The following ADRA1B variants were observed in gnomAD, a reference collection of about 807,000 sequenced individuals.
The protein encoded by ADRA1B is alpha-1B adrenergic receptor.
ADRA1B carries 17 observed loss-of-function variants against 17.9 expected under a neutral mutation model. The observed-to-expected ratio is 0.95, with a 90% CI of 0.65 to 1.42. The LOEUF is 1.42. Ranked by LOEUF, ADRA1B falls within the 40% of genes most tolerant of loss-of-function variation. The pLI is 0.00. For missense variants in ADRA1B, 681 were observed against 722.1 expected, an observed-to-expected ratio of 0.94 and a Z score of 0.65; for synonymous variants, 366 against 327.6, an observed-to-expected ratio of 1.12 and a Z score of -1.27.
In ADRA1B at chr5:159,917,142, C is replaced by T. The variant is rs776132375; in HGVS notation, c.237C>T (p.Pro79=). The T allele has an allele frequency of 1.2e-6, 2 of 1,614,046 alleles. No homozygotes were observed. The highest frequency in any genetic ancestry group is 2.7e-5 in the African/African-American group (2 of 74,930). Residue 79 remains proline (P), a synonymous_variant, in exon 1 of 2, where the codon CCC becomes CCT. Coordinates refer to ENST00000306675, the MANE Select transcript of ADRA1B (RefSeq NM_000679.4). ...CCTGCAACCGGCACCTGCGGACGCC[C>T]ACCAACTACTTCATTGTCAACCTGG... The part of the protein sequence containing the change: ...SVACNRHLRT[P]TNYFIVNLAM...
intron 1 of ADRA1B, among the ~76,000 whole-genome samples, chr5:159,964,954 T>C (rs1454862120): frequency 6.6e-6 from 1 of 152,062 alleles, no homozygotes; most frequent in East Asian, 1.9e-4. Context: ...GTACAGAAAA[T>C]AATTATTACC....
chr5:159,919,691 G>A (rs78909636), intron 1 of ADRA1B, among the ~76,000 whole-genome samples: 3,780 of 152,276 alleles, frequency 0.025, 161 homozygotes, highest in African/African-American at 0.086. Flanking sequence ...GAAGAGAATT[G>A]AGTCTTTCTT....
intron 1 of ADRA1B, among the ~76,000 whole-genome samples, chr5:159,866,214 G>A (rs1753650687): frequency 6.6e-6 from 1 of 150,538 alleles, no homozygotes; most frequent in African/African-American, 2.4e-5. Context: ...GCTGTGGCAA[G>A]AGAATCACTT....
In ADRA1B at chr5:159,905,634, GAC is replaced by G. The variant is rs375212226; in HGVS notation, c.-255-10483_-255-10482del. 7.9e-4 allele frequency among the ~76,000 whole-genome samples: 121 copies of G among 152,300 alleles called. 1 individual carries two copies. In the East Asian group the frequency reaches 0.011, roughly 14 times the overall value. On this transcript the variant is annotated intron_variant, in intron 1 of 2. Transcript: ENST00000641205. ...ATTGAGCCTGAAGCCTAGGGAGAGAGACAGAGTGTGATCAAAGAGTCATATGC... is the reference window on the plus strand; with the variant it reads ...ATTGAGCCTGAAGCCTAGGGAGAGAGAGAGTGTGATCAAAGAGTCATATGC...
intron 1 of ADRA1B, among the ~76,000 whole-genome samples, chr5:159,910,831 C>A (rs562706359): frequency 8.5e-5 from 13 of 152,290 alleles, no homozygotes; most frequent in African/African-American, 2.6e-4. Flanking sequence ...CCAGAGGGAC[C>A]AAGGCCCTGA....
At chr5:159,878,081 A>G (rs1753820685) in intron 1 of ADRA1B, among the ~76,000 whole-genome samples, 1 of 152,226 alleles carries the variant, frequency 6.6e-6, no homozygotes, top group African/African-American at 2.4e-5. Context: ...CCAGGGCTGA[A>G]CGAGGCCCAA....
chr5:159,974,990 T>C (rs1266456052), downstream of ADRA1B, among the ~76,000 whole-genome samples: 1 of 152,190 alleles, frequency 6.6e-6, no homozygotes, highest in Non-Finnish European at 1.5e-5. Context: ...CATTCCCCTC[T>C]GCTACCATCC....
intron 1 of ADRA1B, among the ~76,000 whole-genome samples, chr5:159,890,182 C>A (rs1753966715): frequency 1.3e-5 from 2 of 152,160 alleles, no homozygotes; most frequent in South Asian, 4.1e-4. Context: ...GTCCAGGAAG[C>A]TCTTGGTTCA....
At chr5:159,980,062 C>T in the ADRA1B span, among the ~76,000 whole-genome samples, 18 of 151,824 alleles carry the variant, frequency 1.2e-4, no homozygotes, top group South Asian at 3.3e-3. Context: ...GAGGGAAAGT[C>T]GTGTTTCATG....
chr5:159,923,573 C>T (rs1207113532), intron 1 of ADRA1B, among the ~76,000 whole-genome samples: 1 of 152,246 alleles, frequency 6.6e-6, no homozygotes, highest in Non-Finnish European at 1.5e-5. Context: ...GGAGCCTGAA[C>T]ACAGCAAACA....
intron 1 of ADRA1B, among the ~76,000 whole-genome samples, chr5:159,871,685 C>G (rs1288600000): frequency 6.6e-6 from 1 of 152,014 alleles, no homozygotes; most frequent in Non-Finnish European, 1.5e-5. Context: ...AAGTCACATT[C>G]ACAGGTACTG....
intron 1 of ADRA1B, among the ~76,000 whole-genome samples, chr5:159,926,756 G>A (rs1373808087): frequency 1.3e-5 from 2 of 151,958 alleles, no homozygotes; most frequent in African/African-American, 4.8e-5. Flanking sequence ...GCGTGGTAGC[G>A]GGCACCTGTA....
chr5:159,956,663 T>C (rs1034086554), intron 1 of ADRA1B, among the ~76,000 whole-genome samples: 5 of 152,220 alleles, frequency 3.3e-5, no homozygotes, highest in African/African-American at 1.2e-4. Context: ...CTTTCAAGAA[T>C]ACTTACGTAG....
At chr5:159,883,307 A>T (rs944560718) in intron 1 of ADRA1B, among the ~76,000 whole-genome samples, 1 of 152,214 alleles carries the variant, frequency 6.6e-6, no homozygotes, top group Non-Finnish European at 1.5e-5. Flanking sequence ...TGACTCACAC[A>T]TGTAATTTTT....
At chr5:159,977,424 T>C (rs1225407182), downstream of ADRA1B, among the ~76,000 whole-genome samples, 2 of 151,924 alleles carry the variant, frequency 1.3e-5, no homozygotes, top group African/African-American at 4.8e-5. Context: ...CCCACTGGAG[T>C]CCTCACTTGG....
At chr5:159,920,460 G>A (rs1754448550) in intron 1 of ADRA1B, among the ~76,000 whole-genome samples, 1 of 152,114 alleles carries the variant, frequency 6.6e-6, no homozygotes. Context: ...ACAATAAAAA[G>A]TGAGAGGTTC....
chr5:159,933,429 C>G (rs1028289574), intron 1 of ADRA1B, among the ~76,000 whole-genome samples: 2 of 152,224 alleles, frequency 1.3e-5, no homozygotes, highest in African/African-American at 4.8e-5. Flanking sequence ...TGCACATCCA[C>G]AAAGTCTGTT....
intron 1 of ADRA1B, among the ~76,000 whole-genome samples, chr5:159,959,042 G>T (rs1755617706): frequency 6.6e-6 from 1 of 152,230 alleles, no homozygotes; most frequent in Admixed American, 6.5e-5. Context: ...TAATCAATGG[G>T]CACTGACTGC....
At chr5:159,877,032 C>G (rs562851167) in intron 1 of ADRA1B, among the ~76,000 whole-genome samples, 30 of 152,266 alleles carry the variant, frequency 2.0e-4, no homozygotes, top group Admixed American at 1.6e-3. Context: ...TGAGAGCAGT[C>G]GTGGGACTCA....
Sources: allele counts gnomAD v4.1 joint callset (sites outside exome capture counted in the v4.1 genomes callset), GRCh38; gene constraint gnomAD v4.1.1; transcripts MANE v1.5; gene names NCBI Gene and HGNC (gene_info 2026-07-23, HGNC 2026-07-21).